Variants in LRRC4C observed in about 807,000 individuals in gnomAD.
LRRC4C encodes the protein leucine-rich repeat-containing protein 4C.
Under a neutral mutation model 33.6 loss-of-function variants are expected in LRRC4C, and 5 were observed. The observed-to-expected ratio is 0.15, with a 90% CI of 0.08 to 0.31. The LOEUF (loss-of-function observed/expected upper bound fraction) is 0.31. Ranked by LOEUF, LRRC4C falls within the 10% of genes least tolerant of loss-of-function variation. LRRC4C has a pLI of 1.00. For synonymous variants in LRRC4C, 329 were observed against 302.0 expected (o/e 1.09, Z -0.93); for missense variants, 560 against 796.7 (o/e 0.70, Z 3.58).
At chr11:40,713,579 G>C (rs1278376874) in intron 2 of LRRC4C, among the ~76,000 whole-genome samples, 1 of 152,146 alleles carries the variant, frequency 6.6e-6, no homozygotes, top group South Asian at 2.1e-4. Flanking sequence ...TTACTTAAAA[G>C]GGTAGTCATG....
chr11:40,708,689 GT>G (rs1224325413), intron 2 of LRRC4C, among the ~76,000 whole-genome samples: 4 of 151,568 alleles, frequency 2.6e-5, no homozygotes, highest in African/African-American at 9.7e-5. Context: ...TGTATATTCT[GT>G]TGGGGTGGAG....
chr11:40,216,250 C>T (rs1360282964), intron 5 of LRRC4C, among the ~76,000 whole-genome samples: 2 of 152,016 alleles, frequency 1.3e-5, no homozygotes, highest in African/African-American at 4.8e-5. Flanking sequence ...CTTCCCTTTC[C>T]TCTTGCATTT....
chr11:40,428,094 G>C (rs184962597), intron 3 of LRRC4C, among the ~76,000 whole-genome samples: 13 of 152,234 alleles, frequency 8.5e-5, no homozygotes, highest in African/African-American at 3.1e-4. Flanking sequence ...GTTAATATCT[G>C]TATAACAGAA....
chr11:40,858,831 C>A (rs11036102), intron 2 of LRRC4C, among the ~76,000 whole-genome samples: 1 of 151,416 alleles, frequency 6.6e-6, no homozygotes, highest in Non-Finnish European at 1.5e-5. Flanking sequence ...AAGTTTCAAC[C>A]AACAAAAGCC....
chr11:41,338,088 G>A (rs1401762218), intron 1 of LRRC4C, among the ~76,000 whole-genome samples: 1 of 152,202 alleles, frequency 6.6e-6, no homozygotes, highest in Non-Finnish European at 1.5e-5. Context: ...CTGTTGGTAG[G>A]TTAAATGGTT....
chr11:40,716,890 C>T (rs1946751542), intron 2 of LRRC4C, among the ~76,000 whole-genome samples: 1 of 152,158 alleles, frequency 6.6e-6, no homozygotes, highest in South Asian at 2.1e-4. Context: ...AATGAGGATT[C>T]TGAAGCTTGG....
At chr11:40,800,561 C>A (rs1159912808) in intron 2 of LRRC4C, among the ~76,000 whole-genome samples, 2 of 152,144 alleles carry the variant, frequency 1.3e-5, no homozygotes, top group African/African-American at 4.8e-5. Context: ...TATATATTGA[C>A]AATGGCCTTA....
intron 3 of LRRC4C, among the ~76,000 whole-genome samples, chr11:40,468,624 G>C (rs1464763550): frequency 6.6e-6 from 1 of 152,074 alleles, no homozygotes; most frequent in Non-Finnish European, 1.5e-5. Context: ...GTTTAACAAA[G>C]AGCTTTTCCA....
intron 5 of LRRC4C, among the ~76,000 whole-genome samples, chr11:40,159,795 G>C (rs1480401773): frequency 6.6e-6 from 1 of 152,068 alleles, no homozygotes; most frequent in African/African-American, 2.4e-5. Flanking sequence ...TACATTATAT[G>C]TTTATTTGTT....
intron 2 of LRRC4C, among the ~76,000 whole-genome samples, chr11:40,854,770 A>C (rs960311568): frequency 1.3e-5 from 2 of 151,184 alleles, no homozygotes; most frequent in Non-Finnish European, 2.9e-5. Context: ...TATTTTATAC[A>C]CATATATAAT....
chr11:40,958,215 A>G (rs764625015), intron 1 of LRRC4C, among the ~76,000 whole-genome samples: 7 of 151,746 alleles, frequency 4.6e-5, no homozygotes, highest in Non-Finnish European at 8.9e-5. Context: ...AGCTTGTGGT[A>G]TTTTGTTACA....
intron 1 of LRRC4C, among the ~76,000 whole-genome samples, chr11:41,425,977 C>G (rs1955025409): frequency 6.6e-6 from 1 of 152,108 alleles, no homozygotes. Flanking sequence ...TTGTAGAAAG[C>G]TCAGTGAATC....
intron 3 of LRRC4C, among the ~76,000 whole-genome samples, chr11:40,532,388 AATT>A (rs1456071862): frequency 6.6e-6 from 1 of 151,800 alleles, no homozygotes; most frequent in East Asian, 1.9e-4. Flanking sequence ...AAATAATAAT[AATT>A]ATTATTATTG....
intron 1 of LRRC4C, among the ~76,000 whole-genome samples, chr11:41,394,394 T>C (rs1953724739): frequency 6.6e-6 from 1 of 151,964 alleles, no homozygotes; most frequent in Admixed American, 6.6e-5. Flanking sequence ...GTCTCTCCTT[T>C]TTCAGATGCG....
chr11:40,926,101 T>A (rs1957398046), intron 2 of LRRC4C, among the ~76,000 whole-genome samples: 1 of 152,116 alleles, frequency 6.6e-6, no homozygotes, highest in Non-Finnish European at 1.5e-5. Context: ...GCAGAAATCC[T>A]AAGAACTAGT....
intron 3 of LRRC4C, among the ~76,000 whole-genome samples, chr11:40,523,015 A>G (rs1955883943): frequency 6.6e-6 from 1 of 152,184 alleles, no homozygotes; most frequent in African/African-American, 2.4e-5. Context: ...GAGGGCACAA[A>G]TATCTCTTCA....
chr11:40,398,499 C>T (rs1215125667), intron 3 of LRRC4C, among the ~76,000 whole-genome samples: 1 of 151,864 alleles, frequency 6.6e-6, no homozygotes, highest in African/African-American at 2.4e-5. Flanking sequence ...TTCAACAGAC[C>T]TTTGTTGAAC....
At chr11:41,248,170 C>T (rs1233663649) in intron 1 of LRRC4C, among the ~76,000 whole-genome samples, 1 of 152,168 alleles carries the variant, frequency 6.6e-6, no homozygotes, top group Non-Finnish European at 1.5e-5. Flanking sequence ...TCTTAATAAA[C>T]TAACAAATAT....
At chr11:40,969,628 C>T (rs571193747) in intron 1 of LRRC4C, among the ~76,000 whole-genome samples, 29 of 152,236 alleles carry the variant, frequency 1.9e-4, no homozygotes, top group Admixed American at 1.2e-3. Context: ...CCAGCAAAAA[C>T]ATTAGGACTC....
Sources: allele counts gnomAD v4.1 joint callset (sites outside exome capture counted in the v4.1 genomes callset), GRCh38; gene constraint gnomAD v4.1.1; transcripts MANE v1.5; gene names NCBI Gene and HGNC (gene_info 2026-07-23, HGNC 2026-07-21).